Variants in STK3 observed in about 807,000 individuals in gnomAD.
STK3 encodes the protein serine/threonine-protein kinase 3.
STK3 carries 41 observed loss-of-function variants against 58.0 expected under a neutral mutation model. That is an observed-to-expected ratio of 0.71 (90% CI 0.55 to 0.92). The LOEUF is 0.92. Among genes scored for constraint, STK3 ranks in the 40% least tolerant of loss-of-function variants. The pLI, the probability that STK3 is intolerant of heterozygous loss-of-function variation, is 0.00. For missense variants in STK3, 479 were observed against 602.7 expected (o/e 0.79, Z 2.15); for synonymous variants, 170 against 191.0 (o/e 0.89, Z 0.91).
chr8:98,707,292 G>A lies in STK3; in HGVS notation c.371C>T (p.Ala124Val), dbSNP rs1198258205. Residue 124 changes from alanine (A) to valine (V), a missense_variant, in exon 5 of 11, where the codon GCA (alanine) becomes GTA (valine). Around this residue, in one of 3 missense-constraint regions of STK3, gnomAD observed 126 missense variants for 210.1 expected, o/e 0.60. Transcript: ENST00000419617. Reference sequence around the variant, plus strand: ...TTTCAATGTAGATTTAAGAATGGTTGCAATTTCATCTTCTATTAACTGGAA... The same window carrying A: ...TTTCAATGTAGATTTAAGAATGGTTACAATTTCATCTTCTATTAACTGGAA... ...RNKTLIEDEI[A>V]TILKSTLKGL... 6.5e-7 allele frequency: 1 copy of A among 1,538,954 alleles called. No homozygotes were observed. The highest frequency in any genetic ancestry group is 1.3e-5 in the South Asian group (1 of 79,240).
At chr8:98,572,359 T>A (rs1174636399) in intron 8 of STK3, among the ~76,000 whole-genome samples, 1 of 152,176 alleles carries the variant, frequency 6.6e-6, no homozygotes. Flanking sequence ...CAAAAATGAA[T>A]GTAAATTTTA....
chr8:98,633,466 T>C (rs1819403546), intron 6 of STK3: 3 of 587,030 alleles, frequency 5.1e-6, no homozygotes, highest in South Asian at 2.0e-5. Context: ...CAGTTGGTAC[T>C]GATCCAGAAG....
chr8:98,867,864 A>G (rs1275549740), intron 3 of STK3, among the ~76,000 whole-genome samples: 1 of 152,232 alleles, frequency 6.6e-6, no homozygotes, highest in Non-Finnish European at 1.5e-5. Context: ...CCAGGCCTAT[A>G]ATAAGCCCCT....
At chr8:98,669,841 C>T (rs1822688204) in intron 6 of STK3, among the ~76,000 whole-genome samples, 1 of 152,128 alleles carries the variant, frequency 6.6e-6, no homozygotes, top group Non-Finnish European at 1.5e-5. Flanking sequence ...TCGAAGATAC[C>T]CAAACACAGG....
intron 3 of STK3, among the ~76,000 whole-genome samples, chr8:98,832,007 T>G (rs1835547996): frequency 6.6e-6 from 1 of 152,192 alleles, no homozygotes; most frequent in Non-Finnish European, 1.5e-5. Context: ...TTTCTAGGTT[T>G]GAATAATTCT....
At chr8:98,556,592 T>G (rs941953149) in intron 8 of STK3, among the ~76,000 whole-genome samples, 2 of 151,984 alleles carry the variant, frequency 1.3e-5, no homozygotes, top group Admixed American at 6.6e-5. Context: ...TGAGTAAGTT[T>G]GATTGAATTA....
At chr8:98,737,747 G>A (rs938101583) in intron 4 of STK3, among the ~76,000 whole-genome samples, 10 of 151,686 alleles carry the variant, frequency 6.6e-5, no homozygotes, top group East Asian at 1.9e-4. Flanking sequence ...TCACTCTTTC[G>A]CCTAGGCTAG....
At chr8:98,920,138 C>A (rs1459355151) in intron 1 of STK3, among the ~76,000 whole-genome samples, 1 of 152,160 alleles carries the variant, frequency 6.6e-6, no homozygotes, top group Non-Finnish European at 1.5e-5. Flanking sequence ...CCAGGCCAGC[C>A]CTGCTCATAC....
At chr8:98,804,009 CT>C (rs375643302) in intron 1 of STK3, among the ~76,000 whole-genome samples, 5 of 148,528 alleles carry the variant, frequency 3.4e-5, no homozygotes, top group Admixed American at 6.7e-5. Flanking sequence ...CATTTTCTTT[CT>C]TTTTTTTTTG....
At position 98,464,540 on chromosome 8, in the gene STK3, TAA is replaced by T; in HGVS notation, c.1318-8542_1318-8541del. ...AGGGATAACAGGTAGTACTTAAAGT[TAA>T]AAAAAAAAAAAAAAAAAAAAAAGAA... On this transcript the variant is annotated intron_variant, in intron 10 of 10. Coordinates refer to ENST00000419617, the MANE Select transcript of STK3 (RefSeq NM_006281.4). Among the ~76,000 whole-genome samples, 600 of 69,238 alleles carry T rather than the reference TAA, an allele frequency of 8.7e-3. 1 individual carries two copies. The highest frequency in any genetic ancestry group is 0.03 in the African/African-American group (520 of 17,464). The allele number at this position is 69,238 out of a possible 152,430, so 45.4% of individuals were successfully genotyped here.
At chr8:98,551,486 C>T (rs938138908) in intron 8 of STK3, among the ~76,000 whole-genome samples, 2 of 152,072 alleles carry the variant, frequency 1.3e-5, no homozygotes, top group African/African-American at 4.8e-5. Flanking sequence ...AAAAACCAAC[C>T]CTGACAAATG....
chr8:98,383,400 G>A (rs1444449882), intron 1 of STK3, among the ~76,000 whole-genome samples: 1 of 152,208 alleles, frequency 6.6e-6, no homozygotes, highest in Non-Finnish European at 1.5e-5. Flanking sequence ...GTATAAATGA[G>A]AGACATGGAA....
intron 10 of STK3, among the ~76,000 whole-genome samples, chr8:98,465,201 G>C (rs17371341): frequency 0.062 from 9,505 of 152,212 alleles, 426 homozygotes; most frequent in Non-Finnish European, 0.1. Context: ...CCGTTTGACA[G>C]GTGAGGATGC....
intron 1 of STK3, among the ~76,000 whole-genome samples, chr8:98,382,068 C>A (rs886297060): frequency 1.3e-5 from 2 of 152,204 alleles, no homozygotes; most frequent in Non-Finnish European, 2.9e-5. Context: ...GGACCTCCAT[C>A]CTTTTCAAAG....
intron 4 of STK3, among the ~76,000 whole-genome samples, chr8:98,709,323 GC>G (rs1826212658): frequency 6.6e-6 from 1 of 151,974 alleles, no homozygotes; most frequent in South Asian, 2.1e-4. Flanking sequence ...ATATAATGGG[GC>G]CAACCATGTG....
At chr8:98,464,727 T>C (rs1285946114) in intron 10 of STK3, among the ~76,000 whole-genome samples, 1 of 152,072 alleles carries the variant, frequency 6.6e-6, no homozygotes, top group African/African-American at 2.4e-5. Context: ...ATTTAAAATA[T>C]GCATTTACAA....
At chr8:98,655,710 A>G (rs1473326690) in intron 6 of STK3, among the ~76,000 whole-genome samples, 5 of 152,052 alleles carry the variant, frequency 3.3e-5, no homozygotes, top group Non-Finnish European at 5.9e-5. Flanking sequence ...GAAGACATTT[A>G]TGCAGCCAAA....
intron 3 of STK3, among the ~76,000 whole-genome samples, chr8:98,835,521 T>A (rs1031913067): frequency 2.6e-5 from 4 of 152,206 alleles, no homozygotes; most frequent in African/African-American, 4.8e-5. Context: ...AGCCTTTGGT[T>A]CCTGCAGTGC....
At chr8:98,708,882 A>G (rs1434050468) in intron 4 of STK3, among the ~76,000 whole-genome samples, 2 of 150,276 alleles carry the variant, frequency 1.3e-5, no homozygotes. Context: ...TTTCAACCAT[A>G]CCAGAATTTA....
Sources: gnomAD v4.1 joint callset for allele counts (sites outside exome capture counted in the v4.1 genomes callset) on GRCh38, gnomAD v4.1.1 for gene constraint, gnomAD v4.1.1 regional missense constraint, MANE v1.5 for transcripts, NCBI Gene and HGNC (gene_info 2026-07-23, HGNC 2026-07-21) for gene names.